The following LRP2 variants were observed in gnomAD, a reference collection of about 807,000 sequenced individuals.
The protein encoded by LRP2 is LDL receptor related protein 2.
LRP2 carries 172 observed loss-of-function variants against 531.0 expected under a neutral mutation model. The ratio of observed to expected loss-of-function variants is 0.32; its 90% CI spans 0.29 to 0.37. The LOEUF (loss-of-function observed/expected upper bound fraction) is 0.37. Among genes scored for constraint, LRP2 ranks in the 10% least tolerant of loss-of-function variants. The pLI, the probability that LRP2 is intolerant of heterozygous loss-of-function variation, is 1.00. For synonymous variants in LRP2, 1,992 were observed against 2,027.6 expected, an observed-to-expected ratio of 0.98 and a Z score of 0.47; for missense variants, 5,167 against 5,868.3, an observed-to-expected ratio of 0.88 and a Z score of 3.90.
chr2:169,130,705 A>G (rs1375991874), intron 77 of LRP2, among the ~76,000 whole-genome samples: 1 of 152,220 alleles, frequency 6.6e-6, no homozygotes. Context: ...CTTTTAAAGC[A>G]TGCTGGCTGT....
intron 60 of LRP2, among the ~76,000 whole-genome samples, chr2:169,168,880 A>T (rs1326120381): frequency 6.6e-6 from 1 of 152,166 alleles, no homozygotes; most frequent in Non-Finnish European, 1.5e-5. Flanking sequence ...TTCCAATGGC[A>T]TGAATCATCC....
At position 169,145,898 on chromosome 2, in the gene LRP2, G is replaced by T; in HGVS notation, c.12837C>A (p.Ile4279=). 1 of 1,614,074 alleles carries T rather than the reference G, an allele frequency of 6.2e-7. No individual in the cohort carries two copies. The highest frequency in any genetic ancestry group is 8.5e-7 in the Non-Finnish European group (1 of 1,180,000). The change falls in exon 70 of 79, where the codon ATC becomes ATA. Residue 4279 remains isoleucine (I), a synonymous_variant. Coordinates refer to ENST00000649046, the MANE Select transcript of LRP2 (RefSeq NM_004525.3). ...ATATCCAGTATAACTGGTCTTCAAA[G>T]ATGTCCAGGCTGTAAGGGTTCATTG... ...KEAMNPYSLD[I]FEDQLYWISK... is the part of the protein sequence containing the mutation.
At chr2:169,257,521 C>T (rs900897471) in intron 17 of LRP2, among the ~76,000 whole-genome samples, 15 of 151,990 alleles carry the variant, frequency 9.9e-5, no homozygotes, top group African/African-American at 3.4e-4. Flanking sequence ...AAACTATTGT[C>T]GCCTAACATA....
chr2:169,231,314 G>A (rs1334450604), intron 31 of LRP2, among the ~76,000 whole-genome samples: 10 of 131,542 alleles, frequency 7.6e-5, no homozygotes, highest in East Asian at 2.1e-4. Flanking sequence ...AAAAAAGAAA[G>A]AAAGAAAAAA....
chr2:169,236,799 G>T (rs1689621762), intron 28 of LRP2, among the ~76,000 whole-genome samples: 1 of 152,084 alleles, frequency 6.6e-6, no homozygotes, highest in South Asian at 2.1e-4. Flanking sequence ...GACTATTACT[G>T]CATGCAGTAA....
At chr2:169,167,040 G>A (rs1686811979) in intron 61 of LRP2, among the ~76,000 whole-genome samples, 1 of 152,178 alleles carries the variant, frequency 6.6e-6, no homozygotes, top group Non-Finnish European at 1.5e-5. Flanking sequence ...TGAAAGGCAA[G>A]TTCAATATTA....
At chr2:169,160,851 T>C (rs1353044189) in intron 63 of LRP2, among the ~76,000 whole-genome samples, 2 of 152,206 alleles carry the variant, frequency 1.3e-5, no homozygotes, top group Non-Finnish European at 2.9e-5. Context: ...CACTTCATTC[T>C]GTCAATAACT....
At chr2:169,309,523 C>G (rs1684531749) in intron 3 of LRP2, among the ~76,000 whole-genome samples, 5 of 152,138 alleles carry the variant, frequency 3.3e-5, no homozygotes, top group Admixed American at 3.3e-4. Flanking sequence ...TGTCAAAGAT[C>G]AGATGGTTGT....
In LRP2 at chr2:169,185,890, A is replaced by G. The variant is rs368887587; in HGVS notation, c.9458T>C (p.Ile3153Thr). 13 of 1,613,858 alleles carry G rather than the reference A, an allele frequency of 8.1e-6. No homozygotes were observed. The African/African-American group carries it at 1.1e-4, about 13-fold the overall frequency. Residue 3153 changes from isoleucine to threonine, a missense_variant, in exon 50 of 79, where the codon ATT becomes ACT. Coordinates refer to ENST00000649046, the MANE Select transcript of LRP2 (RefSeq NM_004525.3). ...AAAAGGCATCTCTGTGCATTCATCAATATCAACACAAGTCCGCTTGTCAGA... is the reference window on the plus strand; with the variant it reads ...AAAAGGCATCTCTGTGCATTCATCAGTATCAACACAAGTCCGCTTGTCAGA... The part of the protein sequence containing the change: ...LMSDKRTCVD[I>T]DECTEMPFVC...
chr2:169,167,777 A>T (rs11896574), intron 61 of LRP2, among the ~76,000 whole-genome samples: 70,600 of 151,188 alleles, frequency 0.47, 17,086 homozygotes, highest in Admixed American at 0.6. Context: ...CATGTAGCAA[A>T]ATGACTGCAA....
chr2:169,301,703 G>A (rs945310857), intron 4 of LRP2, among the ~76,000 whole-genome samples: 26 of 151,800 alleles, frequency 1.7e-4, no homozygotes, highest in African/African-American at 5.6e-4. Flanking sequence ...TCACCATCTC[G>A]AACATTCTCT....
intron 4 of LRP2, among the ~76,000 whole-genome samples, chr2:169,300,896 A>G (rs914090910): frequency 6.6e-6 from 1 of 152,034 alleles, no homozygotes; most frequent in Non-Finnish European, 1.5e-5. Flanking sequence ...CCACAAAATG[A>G]CTTTAACCAT....
At chr2:169,193,609 C>T (rs2105313800) in intron 47 of LRP2, 152 bp downstream of exon 47, 4 of 935,392 alleles carry the variant, frequency 4.3e-6, no homozygotes, top group Non-Finnish European at 3.4e-6. Flanking sequence ...TGATATCAAA[C>T]ACTCCCAGCA....
At chr2:169,359,439 T>A (rs1246048598) in intron 1 of LRP2, among the ~76,000 whole-genome samples, 1 of 152,208 alleles carries the variant, frequency 6.6e-6, no homozygotes, top group Non-Finnish European at 1.5e-5. Flanking sequence ...CATAGAATAC[T>A]CAGAGCTCTT....
At chr2:169,288,101 A>G (rs370405958) in intron 9 of LRP2, among the ~76,000 whole-genome samples, 3 of 152,228 alleles carry the variant, frequency 2.0e-5, no homozygotes, top group African/African-American at 7.2e-5. Flanking sequence ...CCTTTTCCCA[A>G]CAGCAGTAAA....
chr2:169,297,972 A>AACACACAC lies in LRP2; in HGVS notation c.428-3270_428-3263dup, dbSNP rs10548576. Among the ~76,000 whole-genome samples, 542 of 150,044 alleles carry AACACACAC rather than the reference A, an allele frequency of 3.6e-3. 4 individuals are homozygous for AACACACAC. Among genetic ancestry groups the AACACACAC allele is most frequent in the African/African-American group, 9.8e-3 (399 of 40,908 alleles). On this transcript the variant is annotated intron_variant, in intron 4 of 78. Coordinates refer to ENST00000649046, the MANE Select transcript of LRP2 (RefSeq NM_004525.3). ...TAGGAAACTTAAGCCAAGATTGGGAAACACACACACACACACACACACAAG... is the reference window on the plus strand; with the variant it reads ...TAGGAAACTTAAGCCAAGATTGGGAAACACACACACACACACACACACACACACACAAG...
chr2:169,331,075 C>T (rs530591351), intron 1 of LRP2, among the ~76,000 whole-genome samples: 5 of 152,266 alleles, frequency 3.3e-5, no homozygotes, highest in Admixed American at 6.5e-5. Flanking sequence ...TTCCATCACA[C>T]GTCCACAGGT....
chr2:169,177,866 G>C lies in LRP2; in HGVS notation c.10330C>G (p.Leu3444Val). ...AATGGTCTGTGTGTTGTGTTCACCA[G>C]TGTCTGTCTATTTGATCCATCATAT... ...NKYDGSNRQT[L>V]VNTTHRPFDI... is the part of the protein sequence containing the mutation. The change falls in exon 53 of 79, where the codon CTG becomes GTG. Residue 3444 changes from leucine to valine, a missense_variant. This residue lies in a region of LRP2 where 1,129 missense variants were observed against 1,362.7 expected (regional missense o/e 0.83). Transcript: ENST00000649046. 6.2e-7 allele frequency: 1 copy of C among 1,614,226 alleles called. No individual in the cohort carries two copies.
chr2:169,266,930 C>G (rs571567003), intron 16 of LRP2, among the ~76,000 whole-genome samples: 1 of 139,984 alleles, frequency 7.1e-6, no homozygotes, highest in Admixed American at 7.9e-5. Context: ...CTCTGTTGCC[C>G]AAGCTGGAGT....
Sources: gnomAD v4.1 joint callset for allele counts (sites outside exome capture counted in the v4.1 genomes callset) on GRCh38, gnomAD v4.1.1 for gene constraint, gnomAD v4.1.1 regional missense constraint, MANE v1.5 for transcripts, NCBI Gene and HGNC (gene_info 2026-07-23, HGNC 2026-07-21) for gene names.